Variants in NSD1 observed in about 807,000 individuals in gnomAD.
NSD1 encodes nuclear receptor binding SET domain protein 1.
A neutral mutation model predicts 242.7 loss-of-function variants in NSD1; 26 were observed. The observed-to-expected ratio is 0.11, with a 90% CI of 0.08 to 0.15. The LOEUF is 0.15. Ranked by LOEUF, NSD1 falls within the 10% of genes least tolerant of loss-of-function variation. The pLI, the probability that NSD1 is intolerant of heterozygous loss-of-function variation, is 1.00. For synonymous variants in NSD1, 1,106 were observed against 1,178.1 expected, an observed-to-expected ratio of 0.94 and a Z score of 1.25; for missense variants, 2,495 against 3,272.8, an observed-to-expected ratio of 0.76 and a Z score of 5.80.
At chr5:177,286,663 C>G (rs1005525959) in intron 20 of NSD1, among the ~76,000 whole-genome samples, 1 of 152,146 alleles carries the variant, frequency 6.6e-6, no homozygotes, top group Non-Finnish European at 1.5e-5. Context: ...AGAGGTTCCT[C>G]TATATTAAAT....
At chr5:177,136,906 C>T (rs1443028884) in intron 2 of NSD1, 6 of 700,640 alleles carry the variant, frequency 8.6e-6, no homozygotes, top group South Asian at 3.0e-5. Flanking sequence ...AGGCTGGCGT[C>T]GGGACTCCTG....
intron 2 of NSD1, among the ~76,000 whole-genome samples, chr5:177,139,725 CAA>C (rs970497385): frequency 1.1e-4 from 17 of 152,244 alleles, no homozygotes; most frequent in East Asian, 3.9e-4. Context: ...GAAGCCGAGA[CAA>C]AAGGATTGCT....
intron 2 of NSD1, among the ~76,000 whole-genome samples, chr5:177,144,220 GTT>G (rs78751136): frequency 6.8e-6 from 1 of 146,558 alleles, no homozygotes. Flanking sequence ...ATATTTTTGA[GTT>G]TTTTTTTTTT....
At chr5:177,271,236 A>G (rs1757921363) in intron 16 of NSD1, among the ~76,000 whole-genome samples, 1 of 152,162 alleles carries the variant, frequency 6.6e-6, no homozygotes, top group Non-Finnish European at 1.5e-5. Flanking sequence ...TGTGTATTGT[A>G]TATGCTGTGG....
At chr5:177,145,349 A>T (rs953726086) in intron 2 of NSD1, among the ~76,000 whole-genome samples, 1 of 150,884 alleles carries the variant, frequency 6.6e-6, no homozygotes. Flanking sequence ...TATGATCACA[A>T]CTCACTGCAG....
In NSD1 at chr5:177,299,869, C is replaced by T. The variant is rs565578354; in HGVS notation, c.*4410C>T. 3 of 233,264 alleles carry T rather than the reference C, an allele frequency of 1.3e-5. No individual in the cohort carries two copies. The highest frequency in any genetic ancestry group is 2.2e-5 in the African/African-American group (1 of 45,388). 14.4% of individuals were successfully genotyped at this position (233,264 alleles called of 1,614,324 possible). On this transcript the variant is annotated 3_prime_UTR_variant, in exon 23 of 23. Coordinates refer to ENST00000439151, the MANE Select transcript of NSD1 (RefSeq NM_022455.5). Reference sequence around the variant, plus strand: ...GCAGGCCAGAGCAAGGCGGTCTCATCGAGGTGGGTGCTACCTGTGTGTGTG... The same window carrying T: ...GCAGGCCAGAGCAAGGCGGTCTCATTGAGGTGGGTGCTACCTGTGTGTGTG...
chr5:177,145,675 G>A (rs1327862619), intron 2 of NSD1, among the ~76,000 whole-genome samples: 1 of 152,124 alleles, frequency 6.6e-6, no homozygotes, highest in South Asian at 2.1e-4. Context: ...CACTTTGGGA[G>A]GCTGAGGTGG....
chr5:177,292,360 C>T (rs1379291837), intron 22 of NSD1, among the ~76,000 whole-genome samples: 2 of 152,214 alleles, frequency 1.3e-5, no homozygotes, highest in African/African-American at 2.4e-5. Context: ...CAGCGGTGCA[C>T]TTGCTGTGTT....
intron 14 of NSD1, among the ~76,000 whole-genome samples, chr5:177,263,067 C>T (rs1420821040): frequency 1.3e-5 from 2 of 152,226 alleles, no homozygotes; most frequent in Admixed American, 1.3e-4. Context: ...GACAATGTTA[C>T]ACATACTGAT....
At chr5:177,202,978 T>C (rs1433721496) in intron 3 of NSD1, among the ~76,000 whole-genome samples, 2 of 152,188 alleles carry the variant, frequency 1.3e-5, no homozygotes, top group Non-Finnish European at 2.9e-5. Flanking sequence ...GAAGTTACCG[T>C]TGACAGTTCA....
In NSD1 at chr5:177,141,309, C is replaced by T. The variant is rs1265260490; in HGVS notation, c.927+5279C>T. Among the ~76,000 whole-genome samples, 39 of 145,422 alleles carry T rather than the reference C, an allele frequency of 2.7e-4. 2 individuals are homozygous for T. The highest frequency in any genetic ancestry group is 2.5e-3 in the Admixed American group (36 of 14,456). On this transcript the variant is annotated intron_variant, in intron 2 of 22. Coordinates refer to ENST00000439151, the MANE Select transcript of NSD1 (RefSeq NM_022455.5). ...TGCTGGGATTACAGGCGTGAGCCAC[C>T]GCGCGCAGCCTTTTTTTTTTTTTTT...
intron 4 of NSD1, among the ~76,000 whole-genome samples, chr5:177,208,358 G>A (rs937542612): frequency 1.3e-5 from 2 of 152,080 alleles, no homozygotes; most frequent in Non-Finnish European, 2.9e-5. Flanking sequence ...ATTTATAGTC[G>A]ATTCTTGATT....
At chr5:177,205,676 T>G (rs1007045840) in intron 4 of NSD1, among the ~76,000 whole-genome samples, 8 of 152,102 alleles carry the variant, frequency 5.3e-5, no homozygotes, top group African/African-American at 1.7e-4. Context: ...TAAACAGTAA[T>G]TCCCCATTTG....
chr5:177,244,488 C>G (rs1187515145), intron 9 of NSD1, among the ~76,000 whole-genome samples: 1 of 152,160 alleles, frequency 6.6e-6, no homozygotes, highest in Non-Finnish European at 1.5e-5. Flanking sequence ...TGTAATCTCT[C>G]TAAAGCGTTA....
At chr5:177,270,578 C>T (rs577838606) in intron 16 of NSD1, among the ~76,000 whole-genome samples, 2 of 152,328 alleles carry the variant, frequency 1.3e-5, no homozygotes, top group African/African-American at 4.8e-5. Context: ...AATGGTCCAA[C>T]TTACAGCTTT....
At chr5:177,158,996 TTTTATATA>T (rs1758456256) in intron 2 of NSD1, among the ~76,000 whole-genome samples, 1 of 65,144 alleles carries the variant, frequency 1.5e-5, no homozygotes, top group African/African-American at 1.1e-4. Flanking sequence ...ATATGAATGA[TTTTATATA>T]TATATATATA....
intron 2 of NSD1, among the ~76,000 whole-genome samples, chr5:177,146,877 C>A (rs1757292080): frequency 6.6e-6 from 1 of 151,800 alleles, no homozygotes; most frequent in South Asian, 2.1e-4. Context: ...TATGGTGGGT[C>A]ATGCCTGTAA....
rs770120153 is a variant in NSD1, at chr5:177,294,868, G to C, written c.7500G>C (p.Met2500Ile). 144 of 1,613,170 alleles carry C rather than the reference G, an allele frequency of 8.9e-5. No homozygotes were observed. Among genetic ancestry groups the C allele is most frequent in the Non-Finnish European group, 1.1e-4 (134 of 1,179,940 alleles). Residue 2500 changes from methionine to isoleucine, a missense_variant, in exon 23 of 23, where the codon ATG (methionine) becomes ATC (isoleucine). Met to Ile is a conservative substitution (Grantham distance 10). Around this residue, in one of 19 missense-constraint regions of NSD1, gnomAD observed 475 missense variants for 563.7 expected, o/e 0.84. Coordinates refer to ENST00000439151, the MANE Select transcript of NSD1 (RefSeq NM_022455.5). ...CTGCCAGCAAAGGTCTGGGGCATAT[G>C]CCGAGAGCTGTTGAGAAAGGCTGTG... ...SWPASKGLGH[M>I]PRAVEKGCVS...
chr5:177,265,288 AGC>A, intron 14 of NSD1: 1 of 668,466 alleles, frequency 1.5e-6, no homozygotes, highest in Non-Finnish European at 2.7e-6. Context: ...AAAAAAAAAA[AGC>A]AAAAGTCAGC....
Sources: gnomAD v4.1 joint callset for allele counts (sites outside exome capture counted in the v4.1 genomes callset) on GRCh38, gnomAD v4.1.1 for gene constraint, gnomAD v4.1.1 regional missense constraint, MANE v1.5 for transcripts, NCBI Gene and HGNC (gene_info 2026-07-23, HGNC 2026-07-21) for gene names.